The following TET3 variants were observed in gnomAD, a reference collection of about 807,000 sequenced individuals.
TET3 encodes the protein methylcytosine dioxygenase TET3.
Under a neutral mutation model 141.4 loss-of-function variants are expected in TET3, and 19 were observed. That is an observed-to-expected ratio of 0.13 (90% CI 0.09 to 0.20). The LOEUF (loss-of-function observed/expected upper bound fraction) is 0.20, where lower values mean the gene tolerates loss of function less well. TET3 is among the 10% of genes least tolerant of loss of function. The pLI is 1.00. For missense variants in TET3, 1,874 were observed against 2,356.9 expected (o/e 0.80, Z 4.24); for synonymous variants, 1,043 against 980.9 (o/e 1.06, Z -1.18).
chr2:74,128,527 T>C, the TET3 span, among the ~76,000 whole-genome samples: 1 of 152,118 alleles, frequency 6.6e-6, no homozygotes, highest in African/African-American at 2.4e-5. Context: ...CTCTCCTTAA[T>C]AATAGTGTAA....
chr2:74,023,232 A>ATTTATT (rs894599564), intron 3 of TET3, among the ~76,000 whole-genome samples: 1 of 151,754 alleles, frequency 6.6e-6, no homozygotes, highest in Non-Finnish European at 1.5e-5. Context: ...ATGTAGTTTG[A>ATTTATT]TTTATTTTTA....
intron 3 of TET3, among the ~76,000 whole-genome samples, chr2:74,023,119 G>C (rs989761506): frequency 1.3e-5 from 2 of 152,140 alleles, no homozygotes; most frequent in African/African-American, 2.4e-5. Flanking sequence ...TGATGCTGCT[G>C]TTCCTTGGAC....
intron 7 of TET3, among the ~76,000 whole-genome samples, chr2:74,088,926 T>C (rs1201700194): frequency 6.6e-6 from 1 of 151,324 alleles, no homozygotes; most frequent in Non-Finnish European, 1.5e-5. Context: ...ACTAAAAATA[T>C]AAAAATTAGC....
rs760128821 is a variant in TET3 at position 74,090,065 on chromosome 2, G to T, written c.3039+18G>T. The T allele has an allele frequency of 6.2e-7, 1 of 1,611,836 alleles. No individual in the cohort carries two copies. The highest frequency in any genetic ancestry group is 1.1e-5 in the South Asian group (1 of 91,034). On this transcript the variant is annotated intron_variant, in intron 8 of 11. Coordinates refer to ENST00000409262, the MANE Select transcript of TET3 (RefSeq NM_001287491.2). Reference sequence around the variant, plus strand: ...CCAAAGAGGTGAGCAGAGCTGGGCGGGGACCCTGCCTCCCATCCTTTCTCG... The same window carrying T: ...CCAAAGAGGTGAGCAGAGCTGGGCGTGGACCCTGCCTCCCATCCTTTCTCG...
At chr2:74,092,564 C>T (rs1438858353) in intron 8 of TET3, among the ~76,000 whole-genome samples, 3 of 152,122 alleles carry the variant, frequency 2.0e-5, no homozygotes, top group Non-Finnish European at 4.4e-5. Flanking sequence ...CCCACTGTGC[C>T]GCACCTCTGA....
the TET3 span, among the ~76,000 whole-genome samples, chr2:74,133,433 A>T: frequency 6.6e-6 from 1 of 152,220 alleles, no homozygotes; most frequent in African/African-American, 2.4e-5. Flanking sequence ...TCAGGATGCC[A>T]GCTGGGGCTG....
At chr2:74,070,289 A>G (rs1392938992) in intron 4 of TET3, among the ~76,000 whole-genome samples, 14 of 152,222 alleles carry the variant, frequency 9.2e-5, no homozygotes, top group Non-Finnish European at 2.9e-5. Flanking sequence ...GGTGAGAGGC[A>G]TGTCTTACAT....
At chr2:74,110,252 T>C (rs946011170), downstream of TET3, among the ~76,000 whole-genome samples, 1 of 152,178 alleles carries the variant, frequency 6.6e-6, no homozygotes, top group Non-Finnish European at 1.5e-5. Context: ...AGTTGAAATG[T>C]AGCCATCTTA....
intron 3 of TET3, among the ~76,000 whole-genome samples, chr2:74,032,479 G>GCGCGCGCGCGCGA (rs1558730037): frequency 6.6e-6 from 1 of 150,448 alleles, no homozygotes; most frequent in Non-Finnish European, 1.5e-5. Flanking sequence ...GTGTGTGTGT[G>GCGCGCGCGCGCGA]TGTGTGTGTG....
At chr2:74,060,792 T>A (rs1335433042) in intron 4 of TET3, among the ~76,000 whole-genome samples, 1 of 152,262 alleles carries the variant, frequency 6.6e-6, no homozygotes, top group Non-Finnish European at 1.5e-5. Flanking sequence ...CTTAATCCAT[T>A]TAACCCTGAG....
the TET3 span, among the ~76,000 whole-genome samples, chr2:74,113,322 G>A: frequency 6.6e-6 from 1 of 152,132 alleles, no homozygotes; most frequent in African/African-American, 2.4e-5. Flanking sequence ...GGACGTGGAG[G>A]TTGCAGTAAG....
the TET3 span, among the ~76,000 whole-genome samples, chr2:74,118,274 T>C: frequency 1.3e-5 from 2 of 152,208 alleles, no homozygotes; most frequent in Non-Finnish European, 2.9e-5. Flanking sequence ...ATGGTGGAAG[T>C]GCTCCCGAGA....
Position 74,101,640 on chromosome 2 carries a change from A to C in TET3, c.4852A>C (p.Ser1618Arg). The C allele has an allele frequency of 1.2e-6, 2 of 1,613,596 alleles. No individual in the cohort carries two copies. The highest frequency in any genetic ancestry group is 1.7e-6 in the Non-Finnish European group (2 of 1,179,776). The change falls in exon 12 of 12, where the codon AGC (serine) becomes CGC (arginine). Residue 1618 changes from serine to arginine, a missense_variant. By Grantham distance (110) the Ser-to-Arg change is moderately radical. Coordinates refer to ENST00000409262, the MANE Select transcript of TET3 (RefSeq NM_001287491.2). This position sits in a 1 kb window ranked among gnomAD's most constrained non-coding sequence, Gnocchi z 8.5. ...LEEGPAEEPPSKGAVKEEKGG... is the reference protein window; with the variant it reads ...LEEGPAEEPPRKGAVKEEKGG... The stretch of plus-strand genomic sequence containing the variant: ...GGAGGGGCCGGCTGAGGAGCCCCCC[A>C]GCAAGGGAGCGGTGAAGGAGGAGAA...
chr2:73,987,235 CCTAT>C (rs1347620330), intron 2 of TET3, among the ~76,000 whole-genome samples: 54 of 152,124 alleles, frequency 3.5e-4, no homozygotes, highest in Admixed American at 3.5e-3. Flanking sequence ...TTTGGGTTCC[CCTAT>C]CTTAGTTCTT....
At chr2:74,128,698 GA>G in the TET3 span, among the ~76,000 whole-genome samples, 103 of 142,372 alleles carry the variant, frequency 7.2e-4, no homozygotes, top group East Asian at 1.0e-3. Context: ...AAGACTATTA[GA>G]AAAAAAAAAA....
At chr2:73,988,617 T>G (rs1684164546) in intron 2 of TET3, among the ~76,000 whole-genome samples, 1 of 152,186 alleles carries the variant, frequency 6.6e-6, no homozygotes, top group Admixed American at 6.5e-5. Context: ...GAGAGATGTC[T>G]GCATCCCTGT....
downstream of TET3, among the ~76,000 whole-genome samples, chr2:74,110,054 A>G (rs572705823): frequency 5.3e-5 from 8 of 152,330 alleles, no homozygotes; most frequent in East Asian, 1.5e-3. Flanking sequence ...TGAAAGTGCC[A>G]GGCATTCGGG....
the TET3 span, among the ~76,000 whole-genome samples, chr2:74,128,161 C>T: frequency 6.6e-6 from 1 of 152,118 alleles, no homozygotes; most frequent in Non-Finnish European, 1.5e-5. Context: ...CTACTGCTTC[C>T]TGATGTCCAT....
At chr2:74,133,513 C>T in the TET3 span, among the ~76,000 whole-genome samples, 2 of 152,184 alleles carry the variant, frequency 1.3e-5, no homozygotes, top group African/African-American at 4.8e-5. Context: ...TGGCTCTTGT[C>T]CTGGCAGAAG....
Sources: allele counts gnomAD v4.1 joint callset (sites outside exome capture counted in the v4.1 genomes callset), GRCh38; gene constraint gnomAD v4.1.1; non-coding constraint Gnocchi (gnomAD v3.1); transcripts MANE v1.5; gene names NCBI Gene and HGNC (gene_info 2026-07-23, HGNC 2026-07-21).